The following ADGRL3 variants were observed in gnomAD, a reference collection of about 807,000 sequenced individuals.
The protein encoded by ADGRL3 is calcium-independent alpha-latrotoxin receptor 3.
A neutral mutation model predicts 153.5 loss-of-function variants in ADGRL3; 62 were observed. That is an observed-to-expected ratio of 0.40 (90% CI 0.33 to 0.50). The LOEUF (loss-of-function observed/expected upper bound fraction) is 0.50. ADGRL3 is among the 20% of genes least tolerant of loss of function. ADGRL3 has a pLI of 0.47. For missense variants in ADGRL3, 1,641 were observed against 1,859.4 expected (o/e 0.88, Z 2.16); for synonymous variants, 710 against 672.5 (o/e 1.06, Z -0.86).
chr4:61,323,871 G>A (rs113749012), intron 1 of ADGRL3, among the ~76,000 whole-genome samples: 19,140 of 151,996 alleles, frequency 0.13, 1,398 homozygotes, highest in South Asian at 0.27. Context: ...CCCACTCCTG[G>A]TACCAATTTA....
At position 61,978,151 on chromosome 4, in the gene ADGRL3, A is replaced by G. The variant is rs2099054438; in HGVS notation, c.2806-1412A>G. Among the ~76,000 whole-genome samples, 4 of 152,178 alleles carry G rather than the reference A, an allele frequency of 2.6e-5. No individual in the cohort carries two copies. The South Asian group carries it at 8.3e-4, about 31-fold the overall frequency. ...AAACAAAAGTCAGTGTGTATGATCT[A>G]TATAGTTGAAAAAAGTATCAATTAG... On this transcript the variant is annotated intron_variant, in intron 17 of 26. Transcript: ENST00000683033.
intron 9 of ADGRL3, among the ~76,000 whole-genome samples, chr4:61,833,446 GT>G (rs777176107): frequency 7.9e-5 from 12 of 152,172 alleles, no homozygotes; most frequent in Non-Finnish European, 1.8e-4. Flanking sequence ...AGGGATCAGA[GT>G]TTTTAAGGAC....
rs935215030 is a variant in ADGRL3, at chr4:61,579,364, C to G, written c.260-7863C>G. 5.3e-4 allele frequency among the ~76,000 whole-genome samples: 80 copies of G among 152,042 alleles called. 1 individual carries two copies. Among genetic ancestry groups the G allele is most frequent in the African/African-American group, 1.8e-3 (76 of 41,484 alleles). ...TAAACAGCCAGTTTGGATTTTTTGA[C>G]ATTTAGAAGATTGGGAAAATTGTGA... On this transcript the variant is annotated intron_variant, in intron 4 of 26. Transcript: ENST00000683033.
intron 4 of ADGRL3, among the ~76,000 whole-genome samples, chr4:61,523,636 T>G (rs1033934308): frequency 1.3e-5 from 2 of 152,130 alleles, no homozygotes; most frequent in African/African-American, 4.8e-5. Flanking sequence ...ATTGAGATTT[T>G]TTTTAAATGC....
chr4:61,257,289 T>A (rs1279260558), intron 1 of ADGRL3, among the ~76,000 whole-genome samples: 2 of 152,226 alleles, frequency 1.3e-5, no homozygotes, highest in African/African-American at 4.8e-5. Context: ...GAAACTGATC[T>A]TGTTTCAATT....
chr4:61,482,815 G>T (rs1457038738), intron 2 of ADGRL3, among the ~76,000 whole-genome samples: 1 of 152,132 alleles, frequency 6.6e-6, no homozygotes, highest in Non-Finnish European at 1.5e-5. Flanking sequence ...CTTTCATCCT[G>T]CTATTTTGCA....
At position 61,371,166 on chromosome 4, in the gene ADGRL3, G is replaced by A. The variant is rs1403572110; in HGVS notation, c.-239-11958G>A. On this transcript the variant is annotated intron_variant, in intron 1 of 26. Transcript: ENST00000683033. ...GTTTCCTGAATACAGCACACTGATG[G>A]GTCTTGACTCTTTATCCAATTTGCC... 1.1e-4 allele frequency among the ~76,000 whole-genome samples: 16 copies of A among 150,226 alleles called. 1 individual carries two copies. The highest frequency in any genetic ancestry group is 3.9e-4 in the African/African-American group (16 of 40,618).
intron 8 of ADGRL3, among the ~76,000 whole-genome samples, chr4:61,809,852 A>G (rs992702782): frequency 1.5e-4 from 23 of 152,070 alleles, no homozygotes; most frequent in Middle Eastern, 3.2e-3. Context: ...TTTTCTGTGT[A>G]CTAAAAACTG....
At chr4:61,881,534 A>T (rs566573304) in intron 9 of ADGRL3, among the ~76,000 whole-genome samples, 14 of 152,238 alleles carry the variant, frequency 9.2e-5, no homozygotes, top group Non-Finnish European at 1.3e-4. Context: ...GCATGCCACC[A>T]TGCCCGGCTA....
rs1746218325 is a variant in ADGRL3 at position 62,073,286 on chromosome 4, C to A, written c.*2378C>A. ...ACCTCAAAATATTTTATGTCTCATTCTTTTTTAGTGAATTGGCATGAATAT... is the reference window on the plus strand; with the variant it reads ...ACCTCAAAATATTTTATGTCTCATTATTTTTTAGTGAATTGGCATGAATAT... On this transcript the variant is annotated 3_prime_UTR_variant, in exon 27 of 27. Coordinates refer to ENST00000683033, the MANE Select transcript of ADGRL3 (RefSeq NM_001387552.1). 6.6e-6 allele frequency: 1 copy of A among 151,972 alleles called. No individual in the cohort carries two copies. The highest frequency in any genetic ancestry group is 2.4e-5 in the African/African-American group (1 of 41,388). The allele number at this position is 151,972 out of a possible 1,614,324, so 9.4% of individuals were successfully genotyped here. A position where few individuals can be genotyped will look rare whatever the true frequency, so the allele number is the denominator to read the frequency against.
intron 5 of ADGRL3, among the ~76,000 whole-genome samples, chr4:61,658,442 A>G (rs1018236508): frequency 1.7e-4 from 26 of 152,112 alleles, no homozygotes; most frequent in Admixed American, 1.7e-3. Context: ...AAATAACATA[A>G]TTTCTCTAAG....
intron 8 of ADGRL3, among the ~76,000 whole-genome samples, chr4:61,796,504 AG>A (rs1445454722): frequency 6.6e-6 from 1 of 152,196 alleles, no homozygotes; most frequent in East Asian, 1.9e-4. Context: ...AATGCCCTGA[AG>A]GTAGATTCTG....
At chr4:61,509,727 T>C (rs1351133043) in intron 3 of ADGRL3, among the ~76,000 whole-genome samples, 1 of 152,182 alleles carries the variant, frequency 6.6e-6, no homozygotes, top group Admixed American at 6.5e-5. Flanking sequence ...GCAATGTATA[T>C]ACAAATGCAT....
intron 2 of ADGRL3, among the ~76,000 whole-genome samples, chr4:61,386,660 G>A (rs1008391990): frequency 1.3e-5 from 2 of 152,054 alleles, no homozygotes; most frequent in African/African-American, 2.4e-5. Flanking sequence ...TGGTAAAAAT[G>A]GCTGAAATCA....
intron 1 of ADGRL3, among the ~76,000 whole-genome samples, chr4:61,315,365 A>G (rs73825108): frequency 0.033 from 5,016 of 152,232 alleles, 169 homozygotes; most frequent in African/African-American, 0.082. Flanking sequence ...ATTGTGCTGT[A>G]TAGGTCCTGT....
At chr4:61,948,306 T>A in intron 17 of ADGRL3, 30 bp downstream of exon 17, 1 of 1,562,668 alleles carries the variant, frequency 6.4e-7, no homozygotes, top group Non-Finnish European at 8.8e-7. Context: ...ATGAAAATGT[T>A]TTAGTATATT....
intron 5 of ADGRL3, among the ~76,000 whole-genome samples, chr4:61,612,789 A>C: frequency 6.6e-6 from 1 of 152,288 alleles, no homozygotes; most frequent in African/African-American, 2.4e-5. Context: ...TTATTACTAT[A>C]TATGGGATGT....
intron 11 of ADGRL3, among the ~76,000 whole-genome samples, chr4:61,898,517 G>T (rs1015051811): frequency 6.6e-5 from 10 of 152,048 alleles, no homozygotes; most frequent in Non-Finnish European, 1.3e-4. Flanking sequence ...AGGCAGGCTT[G>T]AGGAGATGGT....
At chr4:61,836,914 A>G (rs969385477) in intron 9 of ADGRL3, among the ~76,000 whole-genome samples, 3 of 152,288 alleles carry the variant, frequency 2.0e-5, no homozygotes, top group African/African-American at 7.2e-5. Context: ...AGGAAATATC[A>G]TTAGAAATTG....
Sources: allele counts gnomAD v4.1 joint callset (sites outside exome capture counted in the v4.1 genomes callset), GRCh38; gene constraint gnomAD v4.1.1; transcripts MANE v1.5; gene names NCBI Gene and HGNC (gene_info 2026-07-23, HGNC 2026-07-21).